The following CLIP2 variants were observed in gnomAD, a reference collection of about 807,000 sequenced individuals.
CLIP2 encodes the protein CAP-Gly domain-containing linker protein 2.
CLIP2 carries 41 observed loss-of-function variants against 111.7 expected under a neutral mutation model. The ratio of observed to expected loss-of-function variants is 0.37; its 90% CI spans 0.29 to 0.48. CLIP2 has a LOEUF of 0.48. Ranked by LOEUF, CLIP2 falls within the 20% of genes least tolerant of loss-of-function variation. The pLI, the probability that CLIP2 is intolerant of heterozygous loss-of-function variation, is 0.99. For missense variants in CLIP2, 1,160 were observed against 1,422.1 expected, an observed-to-expected ratio of 0.82 and a Z score of 2.96; for synonymous variants, 660 against 644.2, an observed-to-expected ratio of 1.02 and a Z score of -0.37.
intron 3 of CLIP2, among the ~76,000 whole-genome samples, chr7:74,343,784 T>C (rs1247673939): frequency 6.7e-6 from 1 of 149,914 alleles, no homozygotes; most frequent in Admixed American, 6.7e-5. Context: ...ATGCCTATGC[T>C]CCCAGCTACT....
At chr7:74,355,654 T>C (rs1352335024) in intron 4 of CLIP2, among the ~76,000 whole-genome samples, 1 of 152,128 alleles carries the variant, frequency 6.6e-6, no homozygotes, top group Non-Finnish European at 1.5e-5. Flanking sequence ...CGTGGTCCAG[T>C]GTGGAATCCG....
intron 8 of CLIP2, among the ~76,000 whole-genome samples, chr7:74,370,155 CA>C (rs536133070): frequency 0.015 from 483 of 32,898 alleles, 3 homozygotes; most frequent in African/African-American, 0.045. Context: ...GACTCTGCCT[CA>C]AAAAAAAAAA....
chr7:74,347,062 A>T (rs1347305412), intron 3 of CLIP2, among the ~76,000 whole-genome samples: 2 of 151,780 alleles, frequency 1.3e-5, no homozygotes, highest in African/African-American at 4.8e-5. Context: ...AAACAAAAAG[A>T]AAAACACCTT....
chr7:74,392,472 C>A (rs1341781819), intron 13 of CLIP2, among the ~76,000 whole-genome samples: 1 of 151,954 alleles, frequency 6.6e-6, no homozygotes, highest in African/African-American at 2.4e-5. Flanking sequence ...AGTGGAGACT[C>A]AGTAAGCCAT....
intron 2 of CLIP2, among the ~76,000 whole-genome samples, chr7:74,336,898 T>G (rs1789488940): frequency 7.4e-6 from 1 of 134,584 alleles, no homozygotes; most frequent in African/African-American, 2.6e-5. Context: ...TTGTTTTTTT[T>G]TTTTTGAGAC....
Position 74,404,016 on chromosome 7 carries a change from C to A in CLIP2, c.*168C>A. On this transcript the variant is annotated 3_prime_UTR_variant, in exon 17 of 17. Transcript: ENST00000223398. ...ACAATCCCCCACCCCGATCCCTCGC[C>A]AGACCAGGACGCTTCCTCAAGCCCA... 1 of 725,874 alleles carries A rather than the reference C, an allele frequency of 1.4e-6. No individual in the cohort carries two copies. Among genetic ancestry groups the A allele is most frequent in the Non-Finnish European group, 2.4e-6 (1 of 414,984 alleles). 45.0% of individuals were successfully genotyped at this position (725,874 alleles called of 1,614,324 possible). A position where few individuals can be genotyped will look rare whatever the true frequency, so the allele number is the denominator to read the frequency against.
chr7:74,386,043 C>CTTTTTTTTTTTTTTTTTTTTT, intron 11 of CLIP2, among the ~76,000 whole-genome samples: 1 of 124,076 alleles, frequency 8.1e-6, no homozygotes, highest in Non-Finnish European at 1.7e-5. Flanking sequence ...CGCCCAGCCT[C>CTTTTTTTTTTTTTTTTTTTTT]TTTTTTTTTT....
intron 1 of CLIP2, among the ~76,000 whole-genome samples, chr7:74,298,781 C>T (rs549853939): frequency 7.9e-5 from 12 of 152,148 alleles, no homozygotes; most frequent in Middle Eastern, 3.4e-3. Context: ...TGATTGTCAC[C>T]GCCAGCCTCG....
intron 8 of CLIP2, among the ~76,000 whole-genome samples, chr7:74,371,637 G>A (rs1790625858): frequency 7.1e-6 from 1 of 140,966 alleles, no homozygotes; most frequent in South Asian, 2.5e-4. Flanking sequence ...GAGGGGAATG[G>A]AGAGAGAGAG....
chr7:74,376,577 C>A lies in CLIP2; in HGVS notation c.2176C>A (p.Arg726=), dbSNP rs782385261. Residue 726 remains arginine (R), a synonymous_variant, in exon 10 of 17, where the codon CGG becomes AGG. Transcript: ENST00000223398. This position sits in a 1 kb window ranked among gnomAD's most constrained non-coding sequence, Gnocchi z 7.1. Reference sequence around the variant, plus strand: ...GCTGCAGGAGGCCCAGGACCAGCGCCGGGATGCCGAGCTGCGTGTGCACGA... The same window carrying A: ...GCTGCAGGAGGCCCAGGACCAGCGCAGGGATGCCGAGCTGCGTGTGCACGA... ...LELQEAQDQR[R]DAELRVHELE... is the part of the protein sequence containing the mutation. 64 of 1,610,402 alleles carry A rather than the reference C, an allele frequency of 4.0e-5. No individual in the cohort carries two copies. The highest frequency in any genetic ancestry group is 5.2e-5 in the Non-Finnish European group (61 of 1,178,870).
rs782017243 is a variant in CLIP2 at position 74,380,958 on chromosome 7, T to C, written c.2479+95T>C. ...GGGTCACATTTTGGTTTGCATCATC[T>C]GCCATTTGGTAAGAGTCACCTCCTG... is the stretch of plus-strand genomic sequence containing the variant. On this transcript the variant is annotated intron_variant, in intron 11 of 16. Coordinates refer to ENST00000223398, the MANE Select transcript of CLIP2 (RefSeq NM_003388.5). The C allele has an allele frequency of 3.2e-6, 4 of 1,236,206 alleles. No individual in the cohort carries two copies. The African/African-American group carries it at 5.9e-5, about 18-fold the overall frequency. The allele number at this position is 1,236,206 out of a possible 1,614,324, so 76.6% of individuals were successfully genotyped here.
At position 74,338,488 on chromosome 7, in the gene CLIP2, C is replaced by T. The variant is rs1554732583; in HGVS notation, c.162C>T (p.Ser54=). The change falls in exon 3 of 17, where the codon TCC becomes TCT. Residue 54 remains serine, a synonymous_variant. Transcript: ENST00000223398. This position sits in a 1 kb window ranked among gnomAD's most constrained non-coding sequence, Gnocchi z 4.3. The part of the protein sequence containing the change: ...LHKQSSGPSS[S]PAAAAAPEKP... ...AACAGTCATCTGGACCCTCCTCCTC[C>T]CCGGCCGCAGCTGCTGCCCCCGAGA... 1.2e-6 allele frequency: 2 copies of T among 1,612,454 alleles called. No homozygotes were observed. Among genetic ancestry groups the T allele is most frequent in the East Asian group, 2.2e-5 (1 of 44,844 alleles).
At position 74,305,532 on chromosome 7, in the gene CLIP2, C is replaced by T. The variant is rs371691351; in HGVS notation, c.-67-11948C>T. ...TTTTTGAGACGGAGTCTCACTTTGT[C>T]GCCCAGGCTGGAGTGCAATGGCACC... On this transcript the variant is annotated intron_variant, in intron 1 of 16. Coordinates refer to ENST00000223398, the MANE Select transcript of CLIP2 (RefSeq NM_003388.5). Among the ~76,000 whole-genome samples, 320 of 152,252 alleles carry T rather than the reference C, an allele frequency of 2.1e-3. 1 individual carries two copies. The highest frequency in any genetic ancestry group is 7.0e-3 in the African/African-American group (291 of 41,546).
At chr7:74,307,949 C>T in intron 1 of CLIP2, among the ~76,000 whole-genome samples, 1 of 152,156 alleles carries the variant, frequency 6.6e-6, no homozygotes, top group East Asian at 1.9e-4. Context: ...GGCTCTGTGC[C>T]AGGCACCATG....
chr7:74,356,298 A>C, intron 4 of CLIP2, 112 bp from the exon 5 acceptor site: 1 of 874,224 alleles, frequency 1.1e-6, no homozygotes. Flanking sequence ...CATGGGCCCC[A>C]AGGAGGTGTC....
chr7:74,302,319 G>T (rs1225566443), intron 1 of CLIP2, among the ~76,000 whole-genome samples: 1 of 151,972 alleles, frequency 6.6e-6, no homozygotes, highest in Non-Finnish European at 1.5e-5. Context: ...TGGTTCAAGC[G>T]ATTCTCCTGC....
At chr7:74,339,496 G>A (rs1326653020) in intron 3 of CLIP2, among the ~76,000 whole-genome samples, 1 of 151,894 alleles carries the variant, frequency 6.6e-6, no homozygotes, top group African/African-American at 2.4e-5. Context: ...AGTAGAGACG[G>A]GGTTTCACCA....
chr7:74,389,091 G>T lies in CLIP2; in HGVS notation c.2564-12G>T. ...CAATCCTCTTCCTCCCTTCCCTGCC[G>T]GCTGACCCCAGCGCTGGAGAGCAAG... is the stretch of plus-strand genomic sequence containing the variant. On this transcript the variant is annotated splice_polypyrimidine_tract_variant and intron_variant, in intron 12 of 16. Coordinates refer to ENST00000223398, the MANE Select transcript of CLIP2 (RefSeq NM_003388.5). 6.3e-7 allele frequency: 1 copy of T among 1,598,586 alleles called. No homozygotes were observed. The highest frequency in any genetic ancestry group is 8.5e-7 in the Non-Finnish European group (1 of 1,173,284).
At chr7:74,374,924 C>T (rs891715480) in intron 9 of CLIP2, among the ~76,000 whole-genome samples, 7 of 152,024 alleles carry the variant, frequency 4.6e-5, no homozygotes, top group African/African-American at 1.7e-4. Context: ...CTGGGAGCAC[C>T]CTCTTCTGCT....
Sources: gnomAD v4.1 joint callset for allele counts (sites outside exome capture counted in the v4.1 genomes callset) on GRCh38, gnomAD v4.1.1 for gene constraint, Gnocchi (gnomAD v3.1) non-coding constraint, MANE v1.5 for transcripts, NCBI Gene and HGNC (gene_info 2026-07-23, HGNC 2026-07-21) for gene names.